The following EEPD1 variants were observed in gnomAD, a reference collection of about 807,000 sequenced individuals.
The protein encoded by EEPD1 is endonuclease/exonuclease/phosphatase family domain-containing protein 1.
A neutral mutation model predicts 46.3 loss-of-function variants in EEPD1; 17 were observed. The observed-to-expected ratio is 0.37, with a 90% CI of 0.25 to 0.55. The LOEUF (loss-of-function observed/expected upper bound fraction) is 0.55, where lower values mean the gene tolerates loss of function less well. Among genes scored for constraint, EEPD1 ranks in the 20% least tolerant of loss-of-function variants. EEPD1 has a pLI of 0.83. For missense variants in EEPD1, 673 were observed against 745.6 expected, an observed-to-expected ratio of 0.90 and a Z score of 1.13; for synonymous variants, 313 against 315.6, an observed-to-expected ratio of 0.99 and a Z score of 0.09.
intron 2 of EEPD1, among the ~76,000 whole-genome samples, chr7:36,219,799 G>C (rs1786107939): frequency 8.9e-6 from 1 of 112,430 alleles, no homozygotes; most frequent in Non-Finnish European, 2.0e-5. Flanking sequence ...GAGAGAGAGA[G>C]AGAGAGAGTG....
chr7:36,210,713 C>T (rs758283414), intron 2 of EEPD1, among the ~76,000 whole-genome samples: 24 of 152,172 alleles, frequency 1.6e-4, no homozygotes, highest in Non-Finnish European at 2.6e-4. Flanking sequence ...TTCCCACCTG[C>T]GCATTTGCTG....
At chr7:36,270,006 A>G (rs1331266335) in intron 3 of EEPD1, among the ~76,000 whole-genome samples, 2 of 152,216 alleles carry the variant, frequency 1.3e-5, no homozygotes, top group East Asian at 1.9e-4. Flanking sequence ...GAGATGGCAC[A>G]CTGAACAACA....
chr7:36,240,743 C>A (rs997729925), intron 3 of EEPD1, among the ~76,000 whole-genome samples: 1 of 152,114 alleles, frequency 6.6e-6, no homozygotes, highest in Non-Finnish European at 1.5e-5. Context: ...GGCAGCAGTT[C>A]CCAACCTTTT....
chr7:36,253,970 CTT>C (rs746768719), intron 3 of EEPD1, among the ~76,000 whole-genome samples: 33 of 152,152 alleles, frequency 2.2e-4, no homozygotes, highest in Admixed American at 8.5e-4. Flanking sequence ...CATTTTATCT[CTT>C]GTTTTCTGTG....
At chr7:36,239,143 G>A in intron 3 of EEPD1, 107 bp downstream of exon 3, 3 of 1,116,950 alleles carry the variant, frequency 2.7e-6, no homozygotes, top group Non-Finnish European at 4.0e-6. Flanking sequence ...TGAAAAGACG[G>A]TCAGTTATTT....
At chr7:36,272,465 T>C (rs1176454306) in intron 3 of EEPD1, among the ~76,000 whole-genome samples, 5 of 151,516 alleles carry the variant, frequency 3.3e-5, no homozygotes, top group Non-Finnish European at 7.4e-5. Context: ...GCTCTCAGTT[T>C]CATAATAGCC....
chr7:36,263,335 GA>G (rs925040687), intron 3 of EEPD1, among the ~76,000 whole-genome samples: 19 of 152,136 alleles, frequency 1.2e-4, no homozygotes, highest in East Asian at 9.6e-4. Flanking sequence ...TGTCTCAAGG[GA>G]GGGGGGGGAA....
chr7:36,214,855 A>T (rs1786002689), intron 2 of EEPD1, among the ~76,000 whole-genome samples: 1 of 152,124 alleles, frequency 6.6e-6, no homozygotes, highest in African/African-American at 2.4e-5. Context: ...CCTCCTTTGG[A>T]ATTCCCTGAG....
At chr7:36,197,307 G>C (rs1168496454) in intron 2 of EEPD1, among the ~76,000 whole-genome samples, 1 of 149,342 alleles carries the variant, frequency 6.7e-6, no homozygotes, top group Non-Finnish European at 1.5e-5. Flanking sequence ...TCAGCCCCCC[G>C]CCCGGCCAGC....
chr7:36,207,461 C>T (rs142708137), intron 2 of EEPD1, among the ~76,000 whole-genome samples: 1 of 152,162 alleles, frequency 6.6e-6, no homozygotes, highest in Non-Finnish European at 1.5e-5. Flanking sequence ...AGACCCCAGA[C>T]AGGTTAGGCC....
intron 4 of EEPD1, among the ~76,000 whole-genome samples, chr7:36,282,361 A>G (rs1446848663): frequency 1.3e-5 from 2 of 152,254 alleles, no homozygotes; most frequent in African/African-American, 2.4e-5. Context: ...ATATTGTTTC[A>G]TGCCAGGTAC....
chr7:36,256,631 C>G (rs1446028627), intron 3 of EEPD1, among the ~76,000 whole-genome samples: 1 of 152,162 alleles, frequency 6.6e-6, no homozygotes, highest in Non-Finnish European at 1.5e-5. Context: ...TTATCAGAGA[C>G]TAGGATTTCA....
At chr7:36,229,083 T>G (rs1786276754) in intron 2 of EEPD1, among the ~76,000 whole-genome samples, 1 of 152,170 alleles carries the variant, frequency 6.6e-6, no homozygotes, top group African/African-American at 2.4e-5. Flanking sequence ...CGGAAACCCC[T>G]TCCCTGTCAC....
At chr7:36,268,212 T>G (rs1448454353) in intron 3 of EEPD1, among the ~76,000 whole-genome samples, 1 of 152,066 alleles carries the variant, frequency 6.6e-6, no homozygotes, top group Non-Finnish European at 1.5e-5. Context: ...AGTGCAGTGG[T>G]GTGATCTCGG....
chr7:36,176,857 A>C (rs759774609), intron 2 of EEPD1, among the ~76,000 whole-genome samples: 1 of 152,238 alleles, frequency 6.6e-6, no homozygotes, highest in Non-Finnish European at 1.5e-5. Context: ...TATACAAACT[A>C]AAAATAAAGC....
chr7:36,227,511 C>T (rs924534392), intron 2 of EEPD1, among the ~76,000 whole-genome samples: 2 of 152,178 alleles, frequency 1.3e-5, no homozygotes, highest in Admixed American at 6.5e-5. Context: ...ATGCTGACGG[C>T]CCCTGTGTTT....
rs1473212591 is a variant in EEPD1, at chr7:36,205,542, T to C, written c.879-33443T>C. On this transcript the variant is annotated intron_variant, in intron 2 of 7. Coordinates refer to ENST00000242108, the MANE Select transcript of EEPD1 (RefSeq NM_030636.3). Reference sequence around the variant, plus strand: ...TCTCTGGAGCTTTGCAAAGGTTTCATGTGTTCTTGCCCATGCAGCCTGCAG... The same window carrying C: ...TCTCTGGAGCTTTGCAAAGGTTTCACGTGTTCTTGCCCATGCAGCCTGCAG... 2.0e-5 allele frequency among the ~76,000 whole-genome samples: 3 copies of C among 152,164 alleles called. No homozygotes were observed. The South Asian group carries it at 6.2e-4, about 31-fold the overall frequency.
chr7:36,258,419 C>A (rs898597515), intron 3 of EEPD1, among the ~76,000 whole-genome samples: 1 of 152,232 alleles, frequency 6.6e-6, no homozygotes, highest in Non-Finnish European at 1.5e-5. Context: ...GCTGAAGCTG[C>A]ACCCACAGCC....
At position 36,153,501 on chromosome 7, in the gene EEPD1, A is replaced by G. The variant is rs961268545; in HGVS notation, c.-366A>G. ...GCGATGCTAAGTTTCTCCCATAGAA[A>G]GAGCCGGGACACGCAGACCGAAGCG... is the stretch of plus-strand genomic sequence containing the variant. On this transcript the variant is annotated 5_prime_UTR_variant, in exon 1 of 8. Coordinates refer to ENST00000242108, the MANE Select transcript of EEPD1 (RefSeq NM_030636.3). 2 of 152,230 alleles carry G rather than the reference A, an allele frequency of 1.3e-5. No homozygotes were observed. Among genetic ancestry groups the G allele is most frequent in the Non-Finnish European group, 2.9e-5 (2 of 68,056 alleles). The allele number at this position is 152,230 out of a possible 1,614,324, so 9.4% of individuals were successfully genotyped here.
Sources: allele counts gnomAD v4.1 joint callset (sites outside exome capture counted in the v4.1 genomes callset), GRCh38; gene constraint gnomAD v4.1.1; transcripts MANE v1.5; gene names NCBI Gene and HGNC (gene_info 2026-07-23, HGNC 2026-07-21).